Variants in CPD observed in about 807,000 individuals in gnomAD.
CPD encodes the protein carboxypeptidase D, also known as metallocarboxypeptidase D.
A neutral mutation model predicts 138.3 loss-of-function variants in CPD; 69 were observed. That is an observed-to-expected ratio of 0.50 (90% CI 0.41 to 0.61). The LOEUF is 0.61. CPD is among the 20% of genes least tolerant of loss of function. CPD has a pLI of 0.00. For missense variants in CPD, 1,432 were observed against 1,733.3 expected, an observed-to-expected ratio of 0.83 and a Z score of 3.09; for synonymous variants, 651 against 642.1, an observed-to-expected ratio of 1.01 and a Z score of -0.21.
rs1380032998 is a variant in CPD at position 30,379,275 on chromosome 17, C to A, written c.295C>A (p.Leu99Ile). 1.3e-6 allele frequency: 2 copies of A among 1,511,738 alleles called. No individual in the cohort carries two copies. The highest frequency in any genetic ancestry group is 4.1e-5 in the Admixed American group (2 of 49,072). The allele number at this position is 1,511,738 out of a possible 1,614,324, so 93.6% of individuals were successfully genotyped here. ...VEGRPLWVLR[L>I]TAGLGSLIPE... ...AGGCCGGCCGCTGTGGGTGCTTCGC[C>A]TCACCGCCGGCCTGGGGTCGCTAAT... Residue 99 changes from leucine to isoleucine, a missense_variant, in exon 1 of 21, where the codon CTC (leucine) becomes ATC (isoleucine). This residue lies in a region of CPD where 484 missense variants were observed against 477.2 expected (regional missense o/e 1.01). Transcript: ENST00000225719. This position sits in a 1 kb window ranked among gnomAD's most constrained non-coding sequence, Gnocchi z 7.0.
chr17:30,428,343 C>A (rs1021467661), intron 7 of CPD, among the ~76,000 whole-genome samples: 15 of 152,194 alleles, frequency 9.9e-5, no homozygotes, highest in African/African-American at 3.1e-4. Flanking sequence ...AAAATGTTCA[C>A]TCATTTAATG....
Position 30,460,137 on chromosome 17 carries a change from G to C in CPD, c.3499-1043G>C, listed in dbSNP as rs980565158. Among the ~76,000 whole-genome samples, 4 of 152,168 alleles carry C rather than the reference G, an allele frequency of 2.6e-5. No individual in the cohort carries two copies. The South Asian group carries it at 8.3e-4, about 32-fold the overall frequency. Reference sequence around the variant, plus strand: ...TCAGAGATACAGCCTTTTCTCTTTAGAGGAGATGGCATTTGGGCTGCAGAG... The same window carrying C: ...TCAGAGATACAGCCTTTTCTCTTTACAGGAGATGGCATTTGGGCTGCAGAG... On this transcript the variant is annotated intron_variant, in intron 17 of 20. Coordinates refer to ENST00000225719, the MANE Select transcript of CPD (RefSeq NM_001304.5).
intron 12 of CPD, among the ~76,000 whole-genome samples, chr17:30,448,682 G>T (rs1043471170): frequency 6.6e-6 from 1 of 152,144 alleles, no homozygotes; most frequent in African/African-American, 2.4e-5. Context: ...GGCAAGCAGA[G>T]TATTTGACCA....
chr17:30,433,587 A>T (rs927918594), intron 8 of CPD, among the ~76,000 whole-genome samples: 5 of 152,160 alleles, frequency 3.3e-5, no homozygotes, highest in African/African-American at 1.2e-4. Flanking sequence ...TACAGCCTAG[A>T]GTGGTCACAC....
In CPD at chr17:30,469,278, A is replaced by C. The variant is rs879783450; in HGVS notation, c.*4464A>C. 2 of 152,210 alleles carry C rather than the reference A, an allele frequency of 1.3e-5. No homozygotes were observed. Among genetic ancestry groups the C allele is most frequent in the Admixed American group, 6.5e-5 (1 of 15,284 alleles). 9.4% of individuals were successfully genotyped at this position (152,210 alleles called of 1,614,324 possible). A position where few individuals can be genotyped will look rare whatever the true frequency, so the allele number is the denominator to read the frequency against. Reference sequence around the variant, plus strand: ...CATCTAAAAGTCTCTGCTGTAAAGGAAATAAAGCATAGAGGTTTGAGCATG... The same window carrying C: ...CATCTAAAAGTCTCTGCTGTAAAGGCAATAAAGCATAGAGGTTTGAGCATG... On this transcript the variant is annotated 3_prime_UTR_variant, in exon 21 of 21. Coordinates refer to ENST00000225719, the MANE Select transcript of CPD (RefSeq NM_001304.5).
chr17:30,389,459 C>T (rs1371714008), intron 2 of CPD, among the ~76,000 whole-genome samples: 1 of 152,144 alleles, frequency 6.6e-6, no homozygotes, highest in Non-Finnish European at 1.5e-5. Flanking sequence ...TTTAATAAAA[C>T]CTAACTTTGA....
intron 8 of CPD, 29 bp from the exon 9 acceptor site, chr17:30,438,946 A>G (rs1211028098): frequency 6.1e-6 from 8 of 1,314,366 alleles, no homozygotes; most frequent in Non-Finnish European, 8.5e-6. Context: ...ACAAACAAAT[A>G]GAAGTAAAGA....
At chr17:30,428,284 T>C (rs1301412884) in intron 7 of CPD, among the ~76,000 whole-genome samples, 2 of 152,136 alleles carry the variant, frequency 1.3e-5, no homozygotes, top group Non-Finnish European at 2.9e-5. Context: ...AGTGAAGATA[T>C]CAGTACCCAA....
intron 2 of CPD, among the ~76,000 whole-genome samples, chr17:30,413,938 C>T (rs1014905246): frequency 1.3e-5 from 2 of 152,040 alleles, no homozygotes; most frequent in African/African-American, 2.4e-5. Flanking sequence ...TAAGGTTATC[C>T]GGGGGAAGAG....
At chr17:30,458,949 G>A (rs1034726634) in intron 17 of CPD, among the ~76,000 whole-genome samples, 2 of 151,300 alleles carry the variant, frequency 1.3e-5, no homozygotes, top group East Asian at 1.9e-4. Context: ...TTTATGGTAT[G>A]AAGTAGGAGT....
intron 14 of CPD, 65 bp downstream of exon 14, chr17:30,451,911 T>C (rs911983865): frequency 4.6e-5 from 68 of 1,474,978 alleles, no homozygotes; most frequent in Non-Finnish European, 5.8e-5. Context: ...AGAAGATTGA[T>C]TGATCCTATT....
At chr17:30,389,148 G>C (rs1376539730) in intron 2 of CPD, among the ~76,000 whole-genome samples, 1 of 152,208 alleles carries the variant, frequency 6.6e-6, no homozygotes, top group East Asian at 1.9e-4. Context: ...AGGGCAGCGG[G>C]CTCTGGGGGG....
chr17:30,427,266 G>T, intron 6 of CPD, 125 bp from the exon 7 acceptor site: 1 of 723,422 alleles, frequency 1.4e-6, no homozygotes, highest in Non-Finnish European at 2.3e-6. Context: ...AATCATAGGT[G>T]ATTGATAATA....
intron 8 of CPD, among the ~76,000 whole-genome samples, chr17:30,436,887 G>A (rs1912718675): frequency 6.6e-6 from 1 of 152,136 alleles, no homozygotes; most frequent in Admixed American, 6.6e-5. Flanking sequence ...ACTGATGAAT[G>A]GGTTAACAAA....
chr17:30,416,411 A>G (rs536103768), intron 2 of CPD, among the ~76,000 whole-genome samples: 4 of 152,346 alleles, frequency 2.6e-5, no homozygotes, highest in African/African-American at 7.2e-5. Flanking sequence ...ACATGTAAAA[A>G]TGGTTAATAT....
chr17:30,423,019 A>C lies in CPD; in HGVS notation c.1653A>C (p.Glu551Asp), dbSNP rs1194610948. The C allele has an allele frequency of 6.2e-7, 1 of 1,605,272 alleles. No homozygotes were observed. Among genetic ancestry groups the C allele is most frequent in the East Asian group, 2.2e-5 (1 of 44,832 alleles). The change falls in exon 5 of 21, where the codon GAA becomes GAC. Residue 551 changes from glutamate (E) to aspartate (D), a missense_variant. By Grantham distance (45) the Glu-to-Asp change is conservative. Around this residue, in one of 6 missense-constraint regions of CPD, gnomAD observed 297 missense variants for 405.3 expected, o/e 0.73. Coordinates refer to ENST00000225719, the MANE Select transcript of CPD (RefSeq NM_001304.5). ...MEISDNPGVH[E>D]PGEPEFKYIG... ...TATCTGATAATCCGGGTGTCCATGA[A>C]CCAGGTAATTGGTATGGTCTTACAC...
intron 2 of CPD, among the ~76,000 whole-genome samples, chr17:30,410,115 T>A (rs1597715232): frequency 6.6e-6 from 1 of 152,112 alleles, no homozygotes; most frequent in South Asian, 2.1e-4. Flanking sequence ...TCGTTATTTA[T>A]CCAGTAGTCA....
At chr17:30,458,968 G>T (rs536100307) in intron 17 of CPD, among the ~76,000 whole-genome samples, 1 of 151,486 alleles carries the variant, frequency 6.6e-6, no homozygotes, top group East Asian at 1.9e-4. Flanking sequence ...GTTCAACTTC[G>T]TTTGTTTGTA....
chr17:30,442,224 T>C (rs1912890886), intron 9 of CPD, 84 bp from the exon 10 acceptor site: 4 of 1,402,656 alleles, frequency 2.9e-6, no homozygotes, highest in East Asian at 2.3e-5. Context: ...AATTTGGCTT[T>C]TTACTAGGAA....
Sources: allele counts gnomAD v4.1 joint callset (sites outside exome capture counted in the v4.1 genomes callset), GRCh38; gene constraint gnomAD v4.1.1; regional missense constraint gnomAD v4.1.1; non-coding constraint Gnocchi (gnomAD v3.1); transcripts MANE v1.5; gene names NCBI Gene and HGNC (gene_info 2026-07-23, HGNC 2026-07-21).